The following COMMD10 variants were observed in gnomAD, a reference collection of about 807,000 sequenced individuals.
COMMD10 encodes COMM domain-containing protein 10.
Under a neutral mutation model 28.9 loss-of-function variants are expected in COMMD10, and 33 were observed. The ratio of observed to expected loss-of-function variants is 1.14; its 90% CI spans 0.87 to 1.53. The LOEUF is 1.53. Ranked by LOEUF, COMMD10 falls within the 40% of genes most tolerant of loss-of-function variation. The pLI is 0.00. For missense variants in COMMD10, 310 were observed against 233.4 expected (o/e 1.33, Z -2.14); for synonymous variants, 110 against 81.7 (o/e 1.35, Z -1.87).
chr5:116,087,354 G>A (rs774815637), intron 1 of COMMD10, 143 bp from the exon 2 acceptor site: 1 of 590,494 alleles, frequency 1.7e-6, no homozygotes, highest in South Asian at 2.3e-5. Context: ...TGCCTTTTTT[G>A]CTGGCTGTCA....
chr5:116,107,661 G>A (rs11738779), intron 4 of COMMD10, among the ~76,000 whole-genome samples: 110,920 of 151,876 alleles, frequency 0.73, 41,045 homozygotes, highest in Non-Finnish European at 0.8. Context: ...TTATTACCCA[G>A]CTTCTGAAGC....
chr5:116,217,996 TAC>T (rs1749149547), intron 5 of COMMD10: 2 of 949,386 alleles, frequency 2.1e-6, no homozygotes, highest in Admixed American at 1.7e-5. Context: ...TCACCAGAAG[TAC>T]ACAGTTATCA....
chr5:116,210,142 G>A (rs1325343978), intron 5 of COMMD10, among the ~76,000 whole-genome samples: 2 of 152,082 alleles, frequency 1.3e-5, no homozygotes, highest in African/African-American at 4.8e-5. Context: ...TGCAATAACA[G>A]TCTTAATCCA....
intron 4 of COMMD10, among the ~76,000 whole-genome samples, chr5:116,093,715 C>T (rs1019533107): frequency 4.6e-5 from 7 of 152,068 alleles, no homozygotes; most frequent in African/African-American, 1.2e-4. Context: ...CCCAAATAGC[C>T]AAAGCAATCC....
chr5:116,175,278 T>G (rs1001473405), intron 5 of COMMD10, among the ~76,000 whole-genome samples: 1 of 152,118 alleles, frequency 6.6e-6, no homozygotes, highest in Non-Finnish European at 1.5e-5. Flanking sequence ...AAAAAATTGC[T>G]GCAGCTCAGT....
chr5:116,157,748 A>C (rs1432527578), intron 5 of COMMD10, among the ~76,000 whole-genome samples: 4 of 152,158 alleles, frequency 2.6e-5, no homozygotes, highest in Non-Finnish European at 4.4e-5. Context: ...ATTTACCAAA[A>C]TATATGTGTT....
chr5:116,152,749 T>A (rs1752575039), intron 5 of COMMD10, among the ~76,000 whole-genome samples: 1 of 152,068 alleles, frequency 6.6e-6, no homozygotes, highest in Admixed American at 6.6e-5. Flanking sequence ...TTCATCCCCA[T>A]TTTCCTTTGG....
chr5:116,289,790 T>G (rs1751317951), intron 5 of COMMD10, among the ~76,000 whole-genome samples: 1 of 151,872 alleles, frequency 6.6e-6, no homozygotes, highest in Admixed American at 6.6e-5. Flanking sequence ...TTCTTGGTTT[T>G]ATAATGGTGT....
chr5:116,089,643 G>T (rs1321573942), intron 2 of COMMD10, among the ~76,000 whole-genome samples: 1 of 152,212 alleles, frequency 6.6e-6, no homozygotes, highest in Non-Finnish European at 1.5e-5. Context: ...AGTGGCTAAA[G>T]CATTCCATGG....
chr5:116,125,992 C>T (rs903013237), intron 4 of COMMD10, among the ~76,000 whole-genome samples: 2 of 152,146 alleles, frequency 1.3e-5, no homozygotes, highest in Admixed American at 6.5e-5. Flanking sequence ...CAAATTTTCC[C>T]TGTTTGCAGA....
At chr5:116,144,476 G>A (rs946594501) in intron 5 of COMMD10, among the ~76,000 whole-genome samples, 10 of 151,504 alleles carry the variant, frequency 6.6e-5, no homozygotes, top group African/African-American at 2.4e-4. Context: ...AGAAAGTGAT[G>A]GTGCTATAAT....
At chr5:116,146,862 T>G (rs1259294581) in intron 5 of COMMD10, among the ~76,000 whole-genome samples, 1 of 151,924 alleles carries the variant, frequency 6.6e-6, no homozygotes, top group East Asian at 1.9e-4. Context: ...ATTATTCTAT[T>G]AAGTTTTCAT....
intron 4 of COMMD10, among the ~76,000 whole-genome samples, chr5:116,109,036 A>T (rs1043161537): frequency 1.3e-5 from 2 of 152,056 alleles, no homozygotes; most frequent in Non-Finnish European, 1.5e-5. Context: ...CCACTGTCCT[A>T]TCAGTCCCAG....
chr5:116,176,298 A>G (rs1753509136), intron 5 of COMMD10, among the ~76,000 whole-genome samples: 1 of 152,152 alleles, frequency 6.6e-6, no homozygotes, highest in Non-Finnish European at 1.5e-5. Context: ...TATTTTTAGT[A>G]GAGACAGCGT....
At chr5:116,198,274 T>C (rs887482469) in intron 5 of COMMD10, among the ~76,000 whole-genome samples, 3 of 152,220 alleles carry the variant, frequency 2.0e-5, no homozygotes, top group Admixed American at 6.5e-5. Context: ...CCTAATACTA[T>C]AAAGAATAGC....
chr5:116,276,259 T>C (rs1750909431), intron 5 of COMMD10, among the ~76,000 whole-genome samples: 1 of 151,796 alleles, frequency 6.6e-6, no homozygotes, highest in Non-Finnish European at 1.5e-5. Flanking sequence ...TTCTTTTTTT[T>C]CTTCTTTTTT....
At chr5:116,152,018 A>G (rs192999905) in intron 5 of COMMD10, among the ~76,000 whole-genome samples, 3 of 152,192 alleles carry the variant, frequency 2.0e-5, no homozygotes, top group Admixed American at 1.3e-4. Flanking sequence ...CCCTCTACAC[A>G]CTGCTTTGAA....
At chr5:116,179,855 A>T (rs1480996024) in intron 5 of COMMD10, among the ~76,000 whole-genome samples, 1 of 152,078 alleles carries the variant, frequency 6.6e-6, no homozygotes, top group Non-Finnish European at 1.5e-5. Context: ...TGAAGTAGAA[A>T]ACTCAAATCT....
At chr5:116,184,636 G>C (rs1417706075) in intron 5 of COMMD10, among the ~76,000 whole-genome samples, 1 of 151,996 alleles carries the variant, frequency 6.6e-6, no homozygotes, top group Non-Finnish European at 1.5e-5. Context: ...CAGTGGAGTT[G>C]TTATTTACCA....
Sources: gnomAD v4.1 joint callset for allele counts (sites outside exome capture counted in the v4.1 genomes callset) on GRCh38, gnomAD v4.1.1 for gene constraint, MANE v1.5 for transcripts, NCBI Gene and HGNC (gene_info 2026-07-23, HGNC 2026-07-21) for gene names.